Variants in ZP4 observed in about 807,000 individuals in gnomAD.
The protein encoded by ZP4 is zona pellucida glycoprotein 4.
ZP4 carries 62 observed loss-of-function variants against 62.3 expected under a neutral mutation model. The ratio of observed to expected loss-of-function variants is 0.99; its 90% CI spans 0.81 to 1.23. The LOEUF (loss-of-function observed/expected upper bound fraction) is 1.23, where lower values mean the gene tolerates loss of function less well. Ranked by LOEUF, ZP4 falls within the 50% of genes most tolerant of loss-of-function variation. The pLI, the probability that ZP4 is intolerant of heterozygous loss-of-function variation, is 0.00. For synonymous variants in ZP4, 289 were observed against 247.3 expected, an observed-to-expected ratio of 1.17 and a Z score of -1.58; for missense variants, 774 against 656.0, an observed-to-expected ratio of 1.18 and a Z score of -1.97.
Position 237,885,460 on chromosome 1 carries a change from A to G in ZP4, c.1091T>C (p.Leu364Pro). 6.2e-7 allele frequency: 1 copy of G among 1,614,122 alleles called. No homozygotes were observed. The highest frequency in any genetic ancestry group is 8.5e-7 in the Non-Finnish European group (1 of 1,180,020). ...GCTGGGTGTTGCCCAACACTGTTGT[A>G]GGAGCAGCCCCAGGTAGGGGTCTGT... ...HRTDPYLGLL[L>P]QQCWATPSTD... The change falls in exon 8 of 12, where the codon CTA becomes CCA. Residue 364 changes from leucine to proline, a missense_variant. Physicochemically the swap from Leu to Pro is moderately conservative, Grantham distance 98. Transcript: ENST00000366570.
rs182344567 is a variant in ZP4, at chr1:237,890,629, G to T, written c.7C>A (p.Leu3Met). 5.0e-6 allele frequency: 8 copies of T among 1,612,254 alleles called. No homozygotes were observed. Among genetic ancestry groups the T allele is most frequent in the Middle Eastern group, 1.7e-4 (1 of 5,826 alleles). The change falls in exon 1 of 12, where the codon CTG becomes ATG. Residue 3 changes from leucine to methionine, a missense_variant. Leu to Met is a conservative substitution (Grantham distance 15). Coordinates refer to ENST00000366570, the MANE Select transcript of ZP4 (RefSeq NM_021186.5). The stretch of plus-strand genomic sequence containing the variant: ...ACACACAGCAAAACGCACCGCAGCA[G>T]CCACATAATGCTACCAGGAGTTCCT... MW[L>M]LRCVLLCVSL...
rs765491014 is a variant in ZP4, at chr1:237,890,124, C to G, written c.228G>C (p.Trp76Cys). Residue 76 changes from tryptophan to cysteine, a missense_variant, in exon 2 of 12, where the codon TGG (tryptophan) becomes TGC (cysteine). By Grantham distance (215) the Trp-to-Cys change is radical. Transcript: ENST00000366570. ...CGGAGCTGCCTGGACCTTTTCTTAT[C>G]CAGGTGCCACAGTCGGAGTCATTCT... ...ELQNDSDCGT[W>C]IRKGPGSSVV... The G allele has an allele frequency of 5.0e-6, 8 of 1,614,018 alleles. No individual in the cohort carries two copies. The highest frequency in any genetic ancestry group is 6.8e-6 in the Non-Finnish European group (8 of 1,180,038).
At position 237,887,475 on chromosome 1, in the gene ZP4, G is replaced by T. The variant is rs769745771; in HGVS notation, c.640C>A (p.Arg214Ser). The change falls in exon 5 of 12, where the codon CGC (arginine) becomes AGC (serine). Residue 214 changes from arginine (R) to serine (S), a missense_variant. Physicochemically the swap from Arg to Ser is moderately radical, Grantham distance 110. Coordinates refer to ENST00000366570, the MANE Select transcript of ZP4 (RefSeq NM_021186.5). ...GCACTGTCATTCCTAAGGGCCAAGC[G>T]CACAGAATCCAAGAGCAGTGGTGGC... ...TSPPLLLDSV[R>S]LALRNDSACN... 21 of 1,614,160 alleles carry T rather than the reference G, an allele frequency of 1.3e-5. No homozygotes were observed. The highest frequency in any genetic ancestry group is 1.8e-5 in the Non-Finnish European group (21 of 1,180,032).
At chr1:237,883,773 AAGAGAGAGGAAG>A (rs1664996762) in intron 10 of ZP4, among the ~76,000 whole-genome samples, 2 of 61,962 alleles carry the variant, frequency 3.2e-5, no homozygotes, top group Non-Finnish European at 7.5e-5. Flanking sequence ...GAGAGAGAGG[AAGAGAGAGGAAG>A]AGAGAGGAAG....
Position 237,890,479 on chromosome 1 carries a change from G to C in ZP4, c.157C>G (p.Pro53Ala), listed in dbSNP as rs1407140218. Reference protein sequence around the residue: ...VNLNQEATSPPVLIAWDNQGL... With the variant: ...VNLNQEATSPAVLIAWDNQGL... ...AACTTACCCCAAGCTATTAGTACAGGAGGAGACGTTGCCTCCTGGTTGAGG... is the reference window on the plus strand; with the variant it reads ...AACTTACCCCAAGCTATTAGTACAGCAGGAGACGTTGCCTCCTGGTTGAGG... The change falls in exon 1 of 12, where the codon CCT becomes GCT. Residue 53 changes from proline (P) to alanine (A), a missense_variant. Pro to Ala is a conservative substitution (Grantham distance 27, BLOSUM62 -1). Transcript: ENST00000366570. 3.1e-6 allele frequency: 5 copies of C among 1,613,656 alleles called. No individual in the cohort carries two copies. Among genetic ancestry groups the C allele is most frequent in the Non-Finnish European group, 4.2e-6 (5 of 1,179,850 alleles).
chr1:237,889,729 G>A, intron 3 of ZP4, 138 bp downstream of exon 3: 4 of 789,108 alleles, frequency 5.1e-6, no homozygotes, highest in Non-Finnish European at 8.6e-6. Flanking sequence ...GATTGCCCAT[G>A]GAGGTGAGAG....
In ZP4 at chr1:237,890,011, T is replaced by C. The variant is rs1245382030; in HGVS notation, c.298-42A>G. On this transcript the variant is annotated intron_variant, in intron 2 of 11. Coordinates refer to ENST00000366570, the MANE Select transcript of ZP4 (RefSeq NM_021186.5). ...TTGGGGGTCAGCCTGGATGGTAGCA[T>C]GAGGCGCTTCACACAGTCTCCCTGG... is the stretch of plus-strand genomic sequence containing the variant. 19 of 1,614,008 alleles carry C rather than the reference T, an allele frequency of 1.2e-5. No homozygotes were observed. The East Asian group carries it at 4.2e-4, about 36-fold the overall frequency.
Position 237,887,364 on chromosome 1 carries a change from A to G in ZP4, c.741+10T>C, listed in dbSNP as rs531813123. On this transcript the variant is annotated intron_variant, in intron 5 of 11. Transcript: ENST00000366570. ...ACTTCCAGAGCCAGGAACAAAGCCCAACTGCTCACCTGTCTTGTGGTGCCA... is the reference window on the plus strand; with the variant it reads ...ACTTCCAGAGCCAGGAACAAAGCCCGACTGCTCACCTGTCTTGTGGTGCCA... 9.2e-5 allele frequency: 148 copies of G among 1,612,422 alleles called. No individual in the cohort carries two copies. The South Asian group carries it at 1.6e-3, about 18-fold the overall frequency.
At chr1:237,886,908 G>A in intron 5 of ZP4, 40 bp from the exon 6 acceptor site, 1 of 1,555,866 alleles carries the variant, frequency 6.4e-7, no homozygotes, top group Non-Finnish European at 8.9e-7. Flanking sequence ...ATTTCTGTTA[G>A]TGTTATGCTG....
At chr1:237,883,744 A>AGAGAGAGGGC (rs1664988817) in intron 10 of ZP4, among the ~76,000 whole-genome samples, 2 of 95,614 alleles carry the variant, frequency 2.1e-5, no homozygotes, top group Admixed American at 1.0e-4. Context: ...AGAGAGAGGG[A>AGAGAGAGGGC]GAGAGAGGGA....
Position 237,890,120 on chromosome 1 carries a change from T to C in ZP4, c.232A>G (p.Arg78Gly), listed in dbSNP as rs1374317692. 2.5e-6 allele frequency: 4 copies of C among 1,614,162 alleles called. No homozygotes were observed. Among genetic ancestry groups the C allele is most frequent in the Non-Finnish European group, 3.4e-6 (4 of 1,180,028 alleles). Residue 78 changes from arginine to glycine, a missense_variant, in exon 2 of 12, where the codon AGA becomes GGA. Coordinates refer to ENST00000366570, the MANE Select transcript of ZP4 (RefSeq NM_021186.5). ...QNDSDCGTWI[R>G]KGPGSSVVLE... is the part of the protein sequence containing the mutation. ...ACCACGGAGCTGCCTGGACCTTTTC[T>C]TATCCAGGTGCCACAGTCGGAGTCA...
chr1:237,884,161 T>C (rs1281723919), intron 10 of ZP4, among the ~76,000 whole-genome samples: 1 of 152,206 alleles, frequency 6.6e-6, no homozygotes, highest in East Asian at 1.9e-4. Flanking sequence ...AGATGGTTCA[T>C]TCTTTAGAAG....
At chr1:237,886,468 A>G (rs1665104752) in intron 6 of ZP4, among the ~76,000 whole-genome samples, 1 of 152,032 alleles carries the variant, frequency 6.6e-6, no homozygotes, top group Non-Finnish European at 1.5e-5. Context: ...TACAGCATGG[A>G]CAGTGGAGAA....
chr1:237,883,066 T>G (rs1664953669), intron 10 of ZP4, among the ~76,000 whole-genome samples: 1 of 152,228 alleles, frequency 6.6e-6, no homozygotes, highest in African/African-American at 2.4e-5. Context: ...TGTTAGAAAC[T>G]ATCCCTGAAC....
In ZP4 at chr1:237,890,112, A is replaced by G; in HGVS notation, c.240T>C (p.Gly80=). 6.2e-7 allele frequency: 1 copy of G among 1,614,054 alleles called. No homozygotes were observed. Among genetic ancestry groups the G allele is most frequent in the Non-Finnish European group, 8.5e-7 (1 of 1,180,014 alleles). The change falls in exon 2 of 12, where the codon GGT becomes GGC. Residue 80 remains glycine (G), a synonymous_variant. Transcript: ENST00000366570. ...DSDCGTWIRK[G]PGSSVVLEAT... ...CCTCCAACACCACGGAGCTGCCTGG[A>G]CCTTTTCTTATCCAGGTGCCACAGT... is the stretch of plus-strand genomic sequence containing the variant.
chr1:237,883,991 C>T (rs201425196), intron 10 of ZP4, among the ~76,000 whole-genome samples: 2 of 48,420 alleles, frequency 4.1e-5, no homozygotes, highest in Non-Finnish European at 8.6e-5. Flanking sequence ...CAAACACACA[C>T]ACACACACAC....
At chr1:237,889,363 G>C (rs921696097) in intron 3 of ZP4, among the ~76,000 whole-genome samples, 17 of 148,720 alleles carry the variant, frequency 1.1e-4, no homozygotes, top group African/African-American at 3.5e-4. Context: ...TTGTTGCCCA[G>C]GCTGTAGTGC....
At chr1:237,883,963 C>A (rs1378042760) in intron 10 of ZP4, among the ~76,000 whole-genome samples, 6 of 77,542 alleles carry the variant, frequency 7.7e-5, no homozygotes, top group African/African-American at 3.6e-4. Flanking sequence ...TGGTCACACA[C>A]ACAAACACAC....
At chr1:237,884,017 AACACACACACACACAAACACAC>A (rs1665027532) in intron 10 of ZP4, among the ~76,000 whole-genome samples, 8 of 87,946 alleles carry the variant, frequency 9.1e-5, no homozygotes, top group African/African-American at 3.9e-4. Flanking sequence ...CACACACACA[AACACACACACACACAAACACAC>A]ACAAACACAC....
Sources: gnomAD v4.1 joint callset for allele counts (sites outside exome capture counted in the v4.1 genomes callset) on GRCh38, gnomAD v4.1.1 for gene constraint, MANE v1.5 for transcripts, NCBI Gene and HGNC (gene_info 2026-07-23, HGNC 2026-07-21) for gene names.